The following SAMD12 variants were observed in gnomAD, a reference collection of about 807,000 sequenced individuals.
The protein encoded by SAMD12 is sterile alpha motif domain-containing protein 12.
In SAMD12, 9 loss-of-function variants were observed where a neutral mutation model predicts 15.0. The ratio of observed to expected loss-of-function variants is 0.60; its 90% confidence interval spans 0.36 to 1.05. The LOEUF is 1.05. SAMD12 is among the 50% of genes least tolerant of loss of function. The pLI, the probability that SAMD12 is intolerant of heterozygous loss-of-function variation, is 0.01. For missense variants in SAMD12, 230 were observed against 234.2 expected, an observed-to-expected ratio of 0.98 and a Z score of 0.12; for synonymous variants, 86 against 90.1, an observed-to-expected ratio of 0.96 and a Z score of 0.25.
At chr8:118,232,751 A>T (rs1812344664) in intron 4 of SAMD12, among the ~76,000 whole-genome samples, 1 of 152,126 alleles carries the variant, frequency 6.6e-6, no homozygotes, top group Admixed American at 6.5e-5. Context: ...AGGTTGATTC[A>T]GTTATTCTTG....
the SAMD12 span, among the ~76,000 whole-genome samples, chr8:118,164,557 T>C: frequency 6.6e-6 from 1 of 152,164 alleles, no homozygotes; most frequent in Non-Finnish European, 1.5e-5. Flanking sequence ...ATTATTTTTT[T>C]ATTTTTATTT....
intron 4 of SAMD12, among the ~76,000 whole-genome samples, chr8:118,356,663 T>C (rs1818242377): frequency 6.6e-6 from 1 of 152,208 alleles, no homozygotes; most frequent in South Asian, 2.1e-4. Flanking sequence ...CGGTTTCTAT[T>C]TTCATACAGG....
At chr8:118,165,636 A>ATGTATATATG in the SAMD12 span, among the ~76,000 whole-genome samples, 1 of 136,906 alleles carries the variant, frequency 7.3e-6, no homozygotes, top group East Asian at 2.1e-4. Context: ...ATATATATAT[A>ATGTATATATG]CATATATATA....
chr8:118,396,365 C>T (rs1245417862), intron 3 of SAMD12, among the ~76,000 whole-genome samples: 1 of 152,158 alleles, frequency 6.6e-6, no homozygotes, highest in African/African-American at 2.4e-5. Context: ...TTAAACATTA[C>T]ATAAAGGTGT....
chr8:118,428,462 A>C (rs1355396369), intron 3 of SAMD12, among the ~76,000 whole-genome samples: 1 of 152,118 alleles, frequency 6.6e-6, no homozygotes, highest in Non-Finnish European at 1.5e-5. Context: ...CCAATTTATC[A>C]ATTTTTTTTC....
chr8:118,299,880 G>A lies in SAMD12; in HGVS notation c.433+79680C>T, dbSNP rs185523088. On this transcript the variant is annotated intron_variant, in intron 4 of 4. Coordinates refer to the SAMD12 transcript ENST00000409003. ...GTGAATGGTAGATTGATTCATTCTC[G>A]TCTCAAATTTACATCATAAAAGTTT... Among the ~76,000 whole-genome samples, 26 of 152,018 alleles carry A rather than the reference G, an allele frequency of 1.7e-4. 1 individual carries two copies. In the South Asian group the frequency reaches 2.1e-3, roughly 12 times the overall value.
chr8:118,509,637 C>G (rs1004018796), intron 2 of SAMD12, among the ~76,000 whole-genome samples: 6 of 152,170 alleles, frequency 3.9e-5, no homozygotes, highest in African/African-American at 1.4e-4. Context: ...CATAATACCC[C>G]TTGCTTCATT....
At chr8:118,207,954 A>G (rs116098015) in intron 4 of SAMD12, among the ~76,000 whole-genome samples, 1,767 of 151,532 alleles carry the variant, frequency 0.012, 48 homozygotes, top group African/African-American at 0.041. Flanking sequence ...CCTCTCAAGG[A>G]GATAGAAATA....
chr8:118,566,600 A>G (rs745880954), intron 2 of SAMD12, among the ~76,000 whole-genome samples: 2 of 152,122 alleles, frequency 1.3e-5, no homozygotes, highest in Non-Finnish European at 2.9e-5. Context: ...GGGTTAAATG[A>G]TATCTTTTAT....
intron 2 of SAMD12, among the ~76,000 whole-genome samples, chr8:118,533,401 A>C (rs1825743545): frequency 6.6e-6 from 1 of 152,208 alleles, no homozygotes; most frequent in Admixed American, 6.5e-5. Context: ...TGGTGCTGAG[A>C]AGAATGTATA....
the SAMD12 span, among the ~76,000 whole-genome samples, chr8:118,180,163 T>G: frequency 6.6e-6 from 1 of 152,190 alleles, no homozygotes; most frequent in Non-Finnish European, 1.5e-5. Context: ...AAGCCTGCTG[T>G]GTTCTGAATC....
At chr8:118,265,103 T>C (rs1586399601) in intron 4 of SAMD12, among the ~76,000 whole-genome samples, 1 of 152,218 alleles carries the variant, frequency 6.6e-6, no homozygotes, top group Non-Finnish European at 1.5e-5. Context: ...CAACTCTCCT[T>C]AGGACTTGTA....
In SAMD12 at chr8:118,342,293, CA is replaced by C. The variant is rs10677253; in HGVS notation, c.433+37266del. Among the ~76,000 whole-genome samples the C allele has an allele frequency of 5.2e-4, 74 of 143,150 alleles. 1 individual carries two copies. Among genetic ancestry groups the C allele is most frequent in the Middle Eastern group, 3.7e-3 (1 of 268 alleles). 93.9% of individuals were successfully genotyped at this position (143,150 alleles called of 152,430 possible). A position where few individuals can be genotyped will look rare whatever the true frequency, so the allele number is the denominator to read the frequency against. Reference sequence around the variant, plus strand: ...TGGGCGACAGAGCAAGACTTTGTCTCAAAAAAAAAAAAAGTTTTAAGAGACT... The same window carrying C: ...TGGGCGACAGAGCAAGACTTTGTCTCAAAAAAAAAAAAGTTTTAAGAGACT... On this transcript the variant is annotated intron_variant, in intron 4 of 4. Transcript: ENST00000409003.
intron 4 of SAMD12, among the ~76,000 whole-genome samples, chr8:118,353,344 G>T (rs954096962): frequency 1.3e-5 from 2 of 151,488 alleles, no homozygotes; most frequent in African/African-American, 4.9e-5. Context: ...AAATTTATAT[G>T]TTGAAGCCTT....
chr8:118,584,200 C>CCAGTAGTT lies in SAMD12; in HGVS notation c.14-3315_14-3308dup, dbSNP rs1827369620. Among the ~76,000 whole-genome samples, 3 of 152,262 alleles carry CCAGTAGTT rather than the reference C, an allele frequency of 2.0e-5. No individual in the cohort carries two copies. The South Asian group carries it at 6.2e-4, about 32-fold the overall frequency. On this transcript the variant is annotated intron_variant, in intron 1 of 3. Coordinates refer to ENST00000314727, the MANE Select transcript of SAMD12 (RefSeq NM_207506.3). ...TGTTCCTTCCTCCACTGCAAACTCCCCAGTAGTTGATTTAGGTTTTTGTAC... is the reference window on the plus strand; with the variant it reads ...TGTTCCTTCCTCCACTGCAAACTCCCCAGTAGTTCAGTAGTTGATTTAGGTTTTTGTAC...
At chr8:118,543,966 T>G (rs1369048676) in intron 2 of SAMD12, among the ~76,000 whole-genome samples, 1 of 152,116 alleles carries the variant, frequency 6.6e-6, no homozygotes, top group Non-Finnish European at 1.5e-5. Flanking sequence ...ACCATTCTCC[T>G]GCTAAAAAAA....
intron 4 of SAMD12, among the ~76,000 whole-genome samples, chr8:118,356,228 C>G (rs1188122047): frequency 6.6e-6 from 1 of 152,122 alleles, no homozygotes; most frequent in Non-Finnish European, 1.5e-5. Context: ...TAAGGTTATA[C>G]AGGGAGTGAG....
rs1822683533 is a variant in SAMD12 at position 118,439,865 on chromosome 8, A to T, written c.289T>A (p.Tyr97Asn). The T allele has an allele frequency of 2.5e-6, 4 of 1,613,558 alleles. No homozygotes were observed. Among genetic ancestry groups the T allele is most frequent in the South Asian group, 1.1e-5 (1 of 91,072 alleles). Residue 97 changes from tyrosine (Y) to asparagine (N), a missense_variant, in exon 3 of 4, where the codon TAC becomes AAC. Tyr to Asn is a moderately radical substitution (Grantham distance 143). Coordinates refer to ENST00000314727, the MANE Select transcript of SAMD12 (RefSeq NM_207506.3). ...KKHCPNQYQI[Y>N]SESFKQHDIT... ...TCATGCTGTTTGAATGACTCACTGT[A>T]GATCTGATACTGATTCGGACAATGT...
rs564060482 is a variant in SAMD12, at chr8:118,597,426, G to A, written c.14-16533C>T. 1.4e-3 allele frequency among the ~76,000 whole-genome samples: 210 copies of A among 152,326 alleles called. 1 individual carries two copies. The highest frequency in any genetic ancestry group is 3.4e-3 in the Middle Eastern group (1 of 294). On this transcript the variant is annotated intron_variant, in intron 1 of 3. Coordinates refer to ENST00000314727, the MANE Select transcript of SAMD12 (RefSeq NM_207506.3). The stretch of plus-strand genomic sequence containing the variant: ...GACAAAACTCTGGTAATGTCAGTGA[G>A]GATTTAGAGAAACAGATGTTTGAAT...
Sources: allele counts gnomAD v4.1 joint callset (sites outside exome capture counted in the v4.1 genomes callset), GRCh38; gene constraint gnomAD v4.1.1; transcripts MANE v1.5; gene names NCBI Gene and HGNC (gene_info 2026-07-23, HGNC 2026-07-21).